UBAP1: variants seen among roughly 807,000 people sequenced by gnomAD.
UBAP1 encodes the protein ubiquitin associated protein 1, also known as ubiquitin-associated protein 1.
Under a neutral mutation model 39.0 loss-of-function variants are expected in UBAP1, and 5 were observed. That is an observed-to-expected ratio of 0.13 (90% CI 0.07 to 0.27). UBAP1 has a LOEUF of 0.27. Among genes scored for constraint, UBAP1 ranks in the 10% least tolerant of loss-of-function variants. The pLI is 1.00. For missense variants in UBAP1, 490 were observed against 608.1 expected (o/e 0.81, Z 2.04); for synonymous variants, 211 against 225.1 (o/e 0.94, Z 0.56).
chr9:34,208,631 A>G (rs1277737489), intron 1 of UBAP1, among the ~76,000 whole-genome samples: 1 of 152,032 alleles, frequency 6.6e-6, no homozygotes, highest in East Asian at 1.9e-4. Context: ...CAAAAAAATT[A>G]GCCGGACGTG....
intron 1 of UBAP1, among the ~76,000 whole-genome samples, chr9:34,209,702 ATT>A (rs4008754): frequency 0.75 from 113,089 of 150,656 alleles, 42,811 homozygotes; most frequent in East Asian, 0.92. Flanking sequence ...TTAGTTACCT[ATT>A]TTTTTTTTTG....
At chr9:34,248,674 A>G (rs1242023715) in intron 4 of UBAP1, among the ~76,000 whole-genome samples, 1 of 152,176 alleles carries the variant, frequency 6.6e-6, no homozygotes, top group Non-Finnish European at 1.5e-5. Context: ...ATGGTTAAGC[A>G]CCAACAGAAT....
rs969726285 is a variant in UBAP1, at chr9:34,195,559, T to G, written c.-8+16319T>G. Among the ~76,000 whole-genome samples, 18 of 152,262 alleles carry G rather than the reference T, an allele frequency of 1.2e-4. No individual in the cohort carries two copies. In the South Asian group the frequency reaches 2.5e-3, roughly 21 times the overall value. The stretch of plus-strand genomic sequence containing the variant: ...AAATTTTGAAACCAGAAAAGAAAGT[T>G]TCCCAAAGTTGTTACGACTGTAGAG... On this transcript the variant is annotated intron_variant, in intron 1 of 6. Transcript: ENST00000297661.
chr9:34,182,838 A>G (rs1164059435), intron 1 of UBAP1, among the ~76,000 whole-genome samples: 1 of 151,642 alleles, frequency 6.6e-6, no homozygotes, highest in Non-Finnish European at 1.5e-5. Context: ...AGCCTCCTGA[A>G]TAGCTGGGAC....
At position 34,224,186 on chromosome 9, in the gene UBAP1, G is replaced by T. The variant is rs541213047; in HGVS notation, c.34+3238G>T. The T allele has an allele frequency of 3.2e-4, 178 of 553,796 alleles. 4 individuals carry two copies. Among genetic ancestry groups the T allele is most frequent in the African/African-American group, 3.1e-3 (158 of 51,526 alleles). The allele number at this position is 553,796 out of a possible 1,614,324, so 34.3% of individuals were successfully genotyped here. On this transcript the variant is annotated intron_variant, in intron 2 of 6. Coordinates refer to ENST00000297661, the MANE Select transcript of UBAP1 (RefSeq NM_016525.5). The stretch of plus-strand genomic sequence containing the variant: ...CATCGATTTCTTCTGAAATTTTTTA[G>T]ATCATTTTTTGTTTAAAATCTCTTC...
At chr9:34,228,736 A>ATTTTTTTTTT (rs55715947) in intron 2 of UBAP1, among the ~76,000 whole-genome samples, 1 of 140,894 alleles carries the variant, frequency 7.1e-6, no homozygotes, top group African/African-American at 2.6e-5. Flanking sequence ...TGCCTAGCTA[A>ATTTTTTTTTT]TTTTTTTTTT....
At chr9:34,224,101 C>T (rs1038327846) in intron 2 of UBAP1, 4 of 746,788 alleles carry the variant, frequency 5.4e-6, no homozygotes, top group Non-Finnish European at 6.2e-6. Context: ...ACGCAAGAAG[C>T]TTGCCCTGCT....
At chr9:34,199,684 G>A (rs1831259483) in intron 1 of UBAP1, among the ~76,000 whole-genome samples, 2 of 151,216 alleles carry the variant, frequency 1.3e-5, no homozygotes, top group African/African-American at 2.4e-5. Flanking sequence ...CCCCAGGCTG[G>A]AGTACAGTGG....
Position 34,249,786 on chromosome 9 carries a change from C to T in UBAP1, c.1091C>T (p.Pro364Leu), listed in dbSNP as rs765857824. Reference sequence around the variant, plus strand: ...TTCTTGTTTTTCCACTAGGTCACCCCTCCTAATTTCTCAGTGTCACAAGTG... The same window carrying T: ...TTCTTGTTTTTCCACTAGGTCACCCTTCCTAATTTCTCAGTGTCACAAGTG... ...SPPNTGPTVT[P>L]PNFSVSQVPN... Residue 364 changes from proline (P) to leucine (L), a missense_variant, in exon 5 of 7, where the codon CCT becomes CTT. Physicochemically the swap from Pro to Leu is moderately conservative, Grantham distance 98. This residue lies in a region of UBAP1 where 339 missense variants were observed against 390.0 expected (regional missense o/e 0.87). Coordinates refer to ENST00000297661, the MANE Select transcript of UBAP1 (RefSeq NM_016525.5). 1.2e-5 allele frequency: 19 copies of T among 1,613,892 alleles called. No homozygotes were observed. Among genetic ancestry groups the T allele is most frequent in the Non-Finnish European group, 1.6e-5 (19 of 1,179,884 alleles).
intron 1 of UBAP1, among the ~76,000 whole-genome samples, chr9:34,204,320 G>A (rs1831564664): frequency 6.6e-6 from 1 of 152,140 alleles, no homozygotes; most frequent in African/African-American, 2.4e-5. Context: ...TGACCAGTTA[G>A]TATTGTATTA....
chr9:34,194,648 T>G (rs1028426394), intron 1 of UBAP1, among the ~76,000 whole-genome samples: 2 of 152,216 alleles, frequency 1.3e-5, no homozygotes, highest in Non-Finnish European at 2.9e-5. Context: ...ATTGGAAATA[T>G]CCACTATTAG....
intron 1 of UBAP1, among the ~76,000 whole-genome samples, chr9:34,197,567 T>G (rs775179962): frequency 4.6e-5 from 7 of 152,190 alleles, no homozygotes; most frequent in Non-Finnish European, 1.0e-4. Flanking sequence ...TTTTTTCTTT[T>G]GAGACAGATT....
chr9:34,240,825 A>C (rs1833917114), intron 3 of UBAP1, among the ~76,000 whole-genome samples: 2 of 152,148 alleles, frequency 1.3e-5, no homozygotes, highest in East Asian at 1.9e-4. Context: ...AAATCTAGAG[A>C]GTTAATGCAT....
Position 34,219,816 on chromosome 9 carries a change from C to CCCCTTCCCTCT in UBAP1, c.-7-1083_-7-1073dup, listed in dbSNP as rs1321338097. On this transcript the variant is annotated intron_variant, in intron 1 of 6. Transcript: ENST00000297661. ...CATCTCCACTTTCCCCTCTCCCCTCCCCCTTCCCTCTCCCTTCCCCTTCCC... is the reference window on the plus strand; with the variant it reads ...CATCTCCACTTTCCCCTCTCCCCTCCCCCTTCCCTCTCCCTTCCCTCTCCCTTCCCCTTCCC... 3.2e-4 allele frequency among the ~76,000 whole-genome samples: 13 copies of CCCCTTCCCTCT among 40,874 alleles called. 1 individual carries two copies. Among genetic ancestry groups the CCCCTTCCCTCT allele is most frequent in the Admixed American group, 1.4e-3 (6 of 4,390 alleles). The allele number at this position is 40,874 out of a possible 152,430, so 26.8% of individuals were successfully genotyped here. A position where few individuals can be genotyped will look rare whatever the true frequency, so the allele number is the denominator to read the frequency against.
At position 34,202,404 on chromosome 9, in the gene UBAP1, T is replaced by C. The variant is rs555540750; in HGVS notation, c.-7-18504T>C. ...GCCTCAGCCTCCCAAAATGCTGGGA[T>C]TGTAGGAGTGAGCCACCCTGCCCTG... On this transcript the variant is annotated intron_variant, in intron 1 of 6. Transcript: ENST00000297661. Among the ~76,000 whole-genome samples, 27 of 152,066 alleles carry C rather than the reference T, an allele frequency of 1.8e-4. No homozygotes were observed. In the East Asian group the frequency reaches 4.5e-3, roughly 25 times the overall value.
chr9:34,189,976 C>T (rs777659520), intron 1 of UBAP1, among the ~76,000 whole-genome samples: 1 of 151,988 alleles, frequency 6.6e-6, no homozygotes, highest in African/African-American at 2.4e-5. Flanking sequence ...ATTATATTTC[C>T]GAGATATTCT....
intron 1 of UBAP1, among the ~76,000 whole-genome samples, chr9:34,188,042 A>G (rs1039460634): frequency 1.3e-5 from 2 of 151,642 alleles, no homozygotes; most frequent in Admixed American, 6.6e-5. Flanking sequence ...TTATTCTTCT[A>G]AGGAGTCAAG....
chr9:34,224,628 T>G, intron 2 of UBAP1: 1 of 376,582 alleles, frequency 2.7e-6, no homozygotes. Context: ...GAGATGCCCA[T>G]TGCTCGGCGC....
At chr9:34,202,624 C>CCTCTGTGTGT (rs1491103579) in intron 1 of UBAP1, among the ~76,000 whole-genome samples, 7 of 107,364 alleles carry the variant, frequency 6.5e-5, no homozygotes, top group African/African-American at 2.7e-4. Context: ...TAGACAGAAA[C>CCTCTGTGTGT]GTGTGTGTGT....
Sources: gnomAD v4.1 joint callset for allele counts (sites outside exome capture counted in the v4.1 genomes callset) on GRCh38, gnomAD v4.1.1 for gene constraint, gnomAD v4.1.1 regional missense constraint, MANE v1.5 for transcripts, NCBI Gene and HGNC (gene_info 2026-07-23, HGNC 2026-07-21) for gene names.